The following PPP3CC variants were observed in gnomAD, a reference collection of about 807,000 sequenced individuals.
The protein encoded by PPP3CC is serine/threonine-protein phosphatase 2B catalytic subunit gamma isoform.
In PPP3CC, 35 loss-of-function variants were observed where a neutral mutation model predicts 60.3. The observed-to-expected ratio is 0.58, with a 90% CI of 0.44 to 0.77. The LOEUF is 0.77. Among genes scored for constraint, PPP3CC ranks in the 30% least tolerant of loss-of-function variants. The pLI is 0.00. For missense variants in PPP3CC, 570 were observed against 628.9 expected, an observed-to-expected ratio of 0.91 and a Z score of 1.00; for synonymous variants, 206 against 224.3, an observed-to-expected ratio of 0.92 and a Z score of 0.73.
chr8:22,491,050 A>G lies in PPP3CC; in HGVS notation c.373-6951A>G, dbSNP rs116384544. 3.5e-3 allele frequency among the ~76,000 whole-genome samples: 529 copies of G among 152,294 alleles called. 5 individuals carry two copies. The highest frequency in any genetic ancestry group is 0.012 in the African/African-American group (494 of 41,558). On this transcript the variant is annotated intron_variant, in intron 3 of 13. Transcript: ENST00000240139. ...TTCTGCCTGCTGTATAGAATTTCACAGTATTTATGTATGACACTTTAGTTT... is the reference window on the plus strand; with the variant it reads ...TTCTGCCTGCTGTATAGAATTTCACGGTATTTATGTATGACACTTTAGTTT...
At chr8:22,506,149 G>C (rs1213209992) in intron 4 of PPP3CC, among the ~76,000 whole-genome samples, 2 of 152,124 alleles carry the variant, frequency 1.3e-5, no homozygotes, top group African/African-American at 4.8e-5. Context: ...TTAAAAAGCA[G>C]CATGAGCCAG....
At chr8:22,504,858 G>C (rs1380802078) in intron 4 of PPP3CC, among the ~76,000 whole-genome samples, 1 of 151,706 alleles carries the variant, frequency 6.6e-6, no homozygotes, top group Admixed American at 6.6e-5. Context: ...GGGACTACAG[G>C]CACGAGCTCT....
At chr8:22,495,248 C>T (rs1216796987) in intron 3 of PPP3CC, among the ~76,000 whole-genome samples, 2 of 152,146 alleles carry the variant, frequency 1.3e-5, no homozygotes, top group African/African-American at 4.8e-5. Context: ...TGTGCCCAGC[C>T]ATACTTTGCT....
chr8:22,464,461 C>T (rs189932433), intron 1 of PPP3CC, among the ~76,000 whole-genome samples: 8 of 152,114 alleles, frequency 5.3e-5, no homozygotes, highest in Non-Finnish European at 1.0e-4. Context: ...CTCACTGCAG[C>T]CTCAATCTCC....
chr8:22,519,311 G>A (rs1192669468), intron 6 of PPP3CC, among the ~76,000 whole-genome samples: 1 of 152,042 alleles, frequency 6.6e-6, no homozygotes, highest in African/African-American at 2.4e-5. Context: ...CATGTAGTTG[G>A]GTCTTGTTTT....
At chr8:22,468,264 C>A (rs1188908903) in intron 1 of PPP3CC, among the ~76,000 whole-genome samples, 3 of 152,076 alleles carry the variant, frequency 2.0e-5, no homozygotes, top group Non-Finnish European at 2.9e-5. Flanking sequence ...CTACCACGCC[C>A]AGCTAACTTT....
intron 1 of PPP3CC, among the ~76,000 whole-genome samples, chr8:22,474,262 T>C (rs529182937): frequency 4.6e-5 from 7 of 152,208 alleles, no homozygotes; most frequent in Non-Finnish European, 1.0e-4. Flanking sequence ...TTTAGTATTA[T>C]GACTACTTTT....
chr8:22,537,094 T>C (rs953206966), intron 12 of PPP3CC, among the ~76,000 whole-genome samples: 8 of 152,070 alleles, frequency 5.3e-5, no homozygotes, highest in African/African-American at 1.9e-4. Flanking sequence ...ACATCAAAAT[T>C]AAAAACTCTG....
intron 4 of PPP3CC, among the ~76,000 whole-genome samples, chr8:22,504,651 T>C (rs1012778135): frequency 6.6e-6 from 1 of 152,160 alleles, no homozygotes; most frequent in African/African-American, 2.4e-5. Flanking sequence ...ATTTCTTCAT[T>C]GTTATGTACT....
intron 4 of PPP3CC, among the ~76,000 whole-genome samples, chr8:22,501,933 T>G (rs768158589): frequency 5.3e-5 from 8 of 152,214 alleles, no homozygotes; most frequent in Non-Finnish European, 8.8e-5. Context: ...AAGCTGAGAC[T>G]GAAGGATAGA....
At chr8:22,522,823 T>C (rs1422355477) in intron 8 of PPP3CC, 74 bp downstream of exon 8, 1 of 1,033,362 alleles carries the variant, frequency 9.7e-7, no homozygotes, top group Non-Finnish European at 1.4e-6. Context: ...TATGTACGTA[T>C]GTGTGTTTGT....
intron 1 of PPP3CC, among the ~76,000 whole-genome samples, chr8:22,447,175 ATTTT>A (rs1161858120): frequency 8.6e-6 from 1 of 116,288 alleles, no homozygotes; most frequent in Non-Finnish European, 1.8e-5. Context: ...TGTCCAACTA[ATTTT>A]TTTTTTTTTT....
chr8:22,480,415 A>G (rs1838026445), intron 3 of PPP3CC, among the ~76,000 whole-genome samples: 1 of 152,224 alleles, frequency 6.6e-6, no homozygotes, highest in Non-Finnish European at 1.5e-5. Flanking sequence ...TCTCTGTAAG[A>G]TGAGAGATAT....
chr8:22,527,863 G>T (rs1839601434), intron 9 of PPP3CC, among the ~76,000 whole-genome samples: 1 of 152,160 alleles, frequency 6.6e-6, no homozygotes, highest in Admixed American at 6.5e-5. Context: ...TCAAACTCCT[G>T]ACCTTAAGTG....
intron 1 of PPP3CC, among the ~76,000 whole-genome samples, chr8:22,473,208 T>C (rs555705622): frequency 1.3e-5 from 2 of 152,312 alleles, no homozygotes; most frequent in East Asian, 1.9e-4. Context: ...AGTGGAAACA[T>C]TGGACATATA....
chr8:22,511,587 A>G (rs768919655), intron 5 of PPP3CC, among the ~76,000 whole-genome samples: 11 of 152,134 alleles, frequency 7.2e-5, no homozygotes, highest in Non-Finnish European at 1.2e-4. Context: ...TTTGTTTCTT[A>G]TTGCAGTCAA....
intron 12 of PPP3CC, among the ~76,000 whole-genome samples, chr8:22,536,705 T>C (rs1839851666): frequency 6.6e-6 from 1 of 152,236 alleles, no homozygotes; most frequent in African/African-American, 2.4e-5. Context: ...TGAGTTTATT[T>C]TGTTATTTTC....
intron 8 of PPP3CC, among the ~76,000 whole-genome samples, chr8:22,525,709 C>T (rs978708416): frequency 1.4e-4 from 21 of 151,502 alleles, no homozygotes; most frequent in Admixed American, 4.6e-4. Flanking sequence ...AGGTGCATGC[C>T]GCTACACCTG....
chr8:22,539,553 C>T (rs999656544), intron 13 of PPP3CC, 55 bp downstream of exon 13: 5 of 1,541,584 alleles, frequency 3.2e-6, no homozygotes, highest in South Asian at 1.2e-5. Context: ...ACTGGTTTTT[C>T]GAAGCTTTAT....
Sources: allele counts gnomAD v4.1 joint callset (sites outside exome capture counted in the v4.1 genomes callset), GRCh38; gene constraint gnomAD v4.1.1; transcripts MANE v1.5; gene names NCBI Gene and HGNC (gene_info 2026-07-23, HGNC 2026-07-21).